The following KCNH8 variants were observed in gnomAD, a reference collection of about 807,000 sequenced individuals.
The protein encoded by KCNH8 is voltage-gated delayed rectifier potassium channel KCNH8.
Under a neutral mutation model 103.6 loss-of-function variants are expected in KCNH8, and 70 were observed. The ratio of observed to expected loss-of-function variants is 0.68; its 90% CI spans 0.56 to 0.82. The LOEUF (loss-of-function observed/expected upper bound fraction) is 0.82. Among genes scored for constraint, KCNH8 ranks in the 40% least tolerant of loss-of-function variants. The pLI is 0.00. For missense variants in KCNH8, 1,217 were observed against 1,329.9 expected (o/e 0.92, Z 1.32); for synonymous variants, 498 against 489.4 (o/e 1.02, Z -0.23).
At chr3:19,425,234 T>G (rs2067011047) in intron 7 of KCNH8, among the ~76,000 whole-genome samples, 1 of 152,206 alleles carries the variant, frequency 6.6e-6, no homozygotes, top group Admixed American at 6.5e-5. Flanking sequence ...TTCATGTGCT[T>G]TGAACTGTCC....
intron 1 of KCNH8, among the ~76,000 whole-genome samples, chr3:19,222,580 T>C (rs538224103): frequency 1.8e-4 from 28 of 152,338 alleles, no homozygotes; most frequent in South Asian, 8.3e-4. Context: ...TTAGAAGATA[T>C]CAGTAAAGCT....
At chr3:19,289,468 T>C (rs2064885875) in intron 3 of KCNH8, among the ~76,000 whole-genome samples, 1 of 152,224 alleles carries the variant, frequency 6.6e-6, no homozygotes, top group Non-Finnish European at 1.5e-5. Flanking sequence ...CCCAGCACCA[T>C]TTATTAAATA....
At chr3:19,206,958 GT>G (rs1293437241) in intron 1 of KCNH8, among the ~76,000 whole-genome samples, 1 of 152,004 alleles carries the variant, frequency 6.6e-6, no homozygotes, top group Non-Finnish European at 1.5e-5. Context: ...CACGGGTTTG[GT>G]TTTTGAACTT....
chr3:19,481,407 G>T (rs2068084373), intron 11 of KCNH8, among the ~76,000 whole-genome samples: 1 of 151,576 alleles, frequency 6.6e-6, no homozygotes, highest in South Asian at 2.1e-4. Flanking sequence ...TTTTAAAAAA[G>T]TTATCCCCAG....
intron 3 of KCNH8, among the ~76,000 whole-genome samples, chr3:19,336,119 T>C (rs1447204624): frequency 6.6e-6 from 1 of 151,764 alleles, no homozygotes; most frequent in Non-Finnish European, 1.5e-5. Context: ...TTTAAATATA[T>C]AGTTTGTTTC....
chr3:19,286,427 C>T (rs778613782), intron 3 of KCNH8, among the ~76,000 whole-genome samples: 7 of 152,172 alleles, frequency 4.6e-5, no homozygotes, highest in Non-Finnish European at 1.0e-4. Context: ...ACAGAACAGC[C>T]ATATGCAAGC....
At chr3:19,223,059 A>G (rs2063893241) in intron 1 of KCNH8, among the ~76,000 whole-genome samples, 1 of 152,160 alleles carries the variant, frequency 6.6e-6, no homozygotes, top group African/African-American at 2.4e-5. Context: ...ATAATAGAGT[A>G]GAAGAGTAAT....
rs2125256322 is a variant in KCNH8, at chr3:19,533,776, G to A, written c.3001G>A (p.Val1001Ile). 1 of 1,614,166 alleles carries A rather than the reference G, an allele frequency of 6.2e-7. No individual in the cohort carries two copies. ...TTATTCACCTTCCCACTACCAGGTT[G>A]TCCAAGAAGGTCATTTGCAATTTTT... is the stretch of plus-strand genomic sequence containing the variant. ...LDYSPSHYQVVQEGHLQFLRC... is the reference protein window; with the variant it reads ...LDYSPSHYQVIQEGHLQFLRC... The change falls in exon 16 of 16, where the codon GTC (valine) becomes ATC (isoleucine). Residue 1001 changes from valine to isoleucine, a missense_variant. Physicochemically the swap from Val to Ile is conservative, Grantham distance 29. Around this residue, in one of 3 missense-constraint regions of KCNH8, gnomAD observed 558 missense variants for 495.8 expected, o/e 1.13. Transcript: ENST00000328405.
intron 2 of KCNH8, among the ~76,000 whole-genome samples, chr3:19,266,949 G>A (rs1490619723): frequency 6.6e-6 from 1 of 152,016 alleles, no homozygotes; most frequent in Non-Finnish European, 1.5e-5. Context: ...CAGAGAGAGG[G>A]ATTGGTGGTC....
intron 3 of KCNH8, among the ~76,000 whole-genome samples, chr3:19,297,859 T>A (rs1476969980): frequency 6.6e-6 from 1 of 152,228 alleles, no homozygotes; most frequent in Non-Finnish European, 1.5e-5. Context: ...AAGCTGCAGA[T>A]GCTTATCAAG....
intron 11 of KCNH8, among the ~76,000 whole-genome samples, chr3:19,465,101 C>A (rs924018400): frequency 2.0e-5 from 3 of 152,150 alleles, no homozygotes; most frequent in African/African-American, 7.2e-5. Flanking sequence ...TTTAGCAATT[C>A]ATAAGTTTTA....
At chr3:19,327,346 G>A (rs1318520015) in intron 3 of KCNH8, among the ~76,000 whole-genome samples, 3 of 152,230 alleles carry the variant, frequency 2.0e-5, no homozygotes, top group Admixed American at 1.3e-4. Context: ...GACGAGTGCA[G>A]TGGTGTGATC....
intron 5 of KCNH8, 134 bp downstream of exon 5, chr3:19,348,099 A>C (rs752344188): frequency 2.0e-6 from 2 of 996,724 alleles, no homozygotes; most frequent in Non-Finnish European, 2.9e-6. Context: ...AATTTTGGAG[A>C]AGCACATACT....
At chr3:19,206,292 T>C (rs1244207877) in intron 1 of KCNH8, among the ~76,000 whole-genome samples, 3 of 137,142 alleles carry the variant, frequency 2.2e-5, no homozygotes, top group Non-Finnish European at 4.4e-5. Context: ...ACAGTTTCTT[T>C]ATCCACTCGT....
At chr3:19,362,862 T>C (rs1445496650) in intron 5 of KCNH8, among the ~76,000 whole-genome samples, 3 of 152,118 alleles carry the variant, frequency 2.0e-5, no homozygotes, top group African/African-American at 7.2e-5. Context: ...TTCCCCATTT[T>C]GCCTAGGCTA....
At chr3:19,505,297 C>A (rs2068670455) in intron 11 of KCNH8, among the ~76,000 whole-genome samples, 1 of 151,580 alleles carries the variant, frequency 6.6e-6, no homozygotes, top group Non-Finnish European at 1.5e-5. Context: ...GATACTGAGA[C>A]CTACCAGAGG....
At chr3:19,489,659 G>A (rs1347114139) in intron 11 of KCNH8, among the ~76,000 whole-genome samples, 2 of 151,910 alleles carry the variant, frequency 1.3e-5, no homozygotes, top group African/African-American at 2.4e-5. Flanking sequence ...GTTCCTAGTG[G>A]GATGGGCTCA....
intron 7 of KCNH8, among the ~76,000 whole-genome samples, chr3:19,425,864 C>G (rs2067021053): frequency 6.6e-6 from 1 of 152,064 alleles, no homozygotes; most frequent in Non-Finnish European, 1.5e-5. Context: ...AAGACTACCA[C>G]ATAGAGGGAA....
chr3:19,457,124 A>C (rs2067545355), intron 11 of KCNH8, 142 bp downstream of exon 11: 5 of 554,782 alleles, frequency 9.0e-6, no homozygotes, highest in Non-Finnish European at 1.3e-5. Flanking sequence ...CCAGTTAAGC[A>C]ATTAAATAAT....
Sources: gnomAD v4.1 joint callset for allele counts (sites outside exome capture counted in the v4.1 genomes callset) on GRCh38, gnomAD v4.1.1 for gene constraint, gnomAD v4.1.1 regional missense constraint, MANE v1.5 for transcripts, NCBI Gene and HGNC (gene_info 2026-07-23, HGNC 2026-07-21) for gene names.